RYR3: variants seen among roughly 807,000 people sequenced by gnomAD.
RYR3 encodes the protein ryanodine receptor 3.
A neutral mutation model predicts 584.3 loss-of-function variants in RYR3; 207 were observed. That is an observed-to-expected ratio of 0.35 (90% CI 0.32 to 0.40). The LOEUF is 0.40. Among genes scored for constraint, RYR3 ranks in the 10% least tolerant of loss-of-function variants. The pLI, the probability that RYR3 is intolerant of heterozygous loss-of-function variation, is 1.00. For synonymous variants in RYR3, 2,416 were observed against 2,248.5 expected (o/e 1.07, Z -2.11); for missense variants, 5,616 against 6,089.2 (o/e 0.92, Z 2.59).
chr15:33,798,957 C>G (rs1051517569), intron 67 of RYR3, among the ~76,000 whole-genome samples: 3 of 152,158 alleles, frequency 2.0e-5, no homozygotes, highest in African/African-American at 7.2e-5. Flanking sequence ...ACAATTCATT[C>G]TGATGTCCTA....
chr15:33,317,379 A>G (rs923124258), intron 1 of RYR3, among the ~76,000 whole-genome samples: 3 of 152,168 alleles, frequency 2.0e-5, no homozygotes, highest in African/African-American at 7.2e-5. Context: ...GAGCCCAGCC[A>G]GTGGTGAGGC....
intron 1 of RYR3, among the ~76,000 whole-genome samples, chr15:33,357,102 C>T (rs554100894): frequency 7.8e-4 from 118 of 152,212 alleles, no homozygotes; most frequent in African/African-American, 2.7e-3. Context: ...TTTCCTACCA[C>T]GTGGCCTGGT....
At chr15:33,345,433 G>T (rs1171933554) in intron 1 of RYR3, among the ~76,000 whole-genome samples, 1 of 152,120 alleles carries the variant, frequency 6.6e-6, no homozygotes, top group Non-Finnish European at 1.5e-5. Flanking sequence ...CTGCAGCCTT[G>T]ACCTCCCAGG....
intron 1 of RYR3, among the ~76,000 whole-genome samples, chr15:33,323,019 T>C (rs1969187406): frequency 6.6e-6 from 1 of 151,422 alleles, no homozygotes; most frequent in African/African-American, 2.4e-5. Context: ...AATTTGTCAT[T>C]TATGTTTGTA....
At chr15:33,665,937 C>T (rs1480873354) in intron 36 of RYR3, among the ~76,000 whole-genome samples, 1 of 152,104 alleles carries the variant, frequency 6.6e-6, no homozygotes, top group Non-Finnish European at 1.5e-5. Flanking sequence ...TGTATTAGAC[C>T]AGTGATTCTT....
chr15:33,603,103 T>C lies in RYR3; in HGVS notation c.1923-20T>C. Reference sequence around the variant, plus strand: ...GCTTTTAAGGGTGTGTAGATGCCACTTGCCCATGTTTACTTTCAGTATCCG... The same window carrying C: ...GCTTTTAAGGGTGTGTAGATGCCACCTGCCCATGTTTACTTTCAGTATCCG... On this transcript the variant is annotated intron_variant, in intron 17 of 103. Coordinates refer to ENST00000634891, the MANE Select transcript of RYR3 (RefSeq NM_001036.6). 6.2e-7 allele frequency: 1 copy of C among 1,613,054 alleles called. No individual in the cohort carries two copies. The highest frequency in any genetic ancestry group is 8.5e-7 in the Non-Finnish European group (1 of 1,179,354).
At chr15:33,574,974 T>C (rs604934) in intron 12 of RYR3, among the ~76,000 whole-genome samples, 124,153 of 152,150 alleles carry the variant, frequency 0.82, 51,082 homozygotes, top group Middle Eastern at 0.94. Context: ...GCAGGGGTTA[T>C]AATCTTAGTT....
In RYR3 at chr15:33,840,632, A is replaced by G; in HGVS notation, c.12979-193A>G. On this transcript the variant is annotated intron_variant, in intron 89 of 103. Transcript: ENST00000634891. ...GGGAGGTTGAGTTTTCAAGTTTCAA[A>G]TCTTTGTCTTGGCATCTCTTCAGAG... 5.0e-6 allele frequency: 3 copies of G among 603,522 alleles called. No individual in the cohort carries two copies. The South Asian group carries it at 6.3e-5, about 13-fold the overall frequency. 37.4% of individuals were successfully genotyped at this position (603,522 alleles called of 1,614,324 possible).
At chr15:33,800,976 G>A in intron 68 of RYR3, 119 bp downstream of exon 68, 1 of 750,498 alleles carries the variant, frequency 1.3e-6, no homozygotes, top group East Asian at 2.7e-5. Flanking sequence ...TGAGCCACAT[G>A]TGAGGACCAC....
intron 6 of RYR3, among the ~76,000 whole-genome samples, 197 bp downstream of exon 6, chr15:33,539,659 T>G (rs2055644979): frequency 6.6e-6 from 1 of 152,128 alleles, no homozygotes; most frequent in African/African-American, 2.4e-5. Flanking sequence ...AACTTTCGAC[T>G]CCTAAAAACT....
chr15:33,554,119 C>A (rs17236182), intron 10 of RYR3, among the ~76,000 whole-genome samples: 12,725 of 152,140 alleles, frequency 0.084, 646 homozygotes, highest in Non-Finnish European at 0.1. Flanking sequence ...AAGGCCATCA[C>A]TTCCTTGACT....
chr15:33,570,833 C>A (rs2057987211), intron 12 of RYR3, among the ~76,000 whole-genome samples: 3 of 82,438 alleles, frequency 3.6e-5, no homozygotes, highest in Admixed American at 1.5e-4. Flanking sequence ...GGTGCTACTA[C>A]AAATATAATT....
chr15:33,861,813 C>CT (rs948341108), intron 102 of RYR3, among the ~76,000 whole-genome samples: 1 of 151,902 alleles, frequency 6.6e-6, no homozygotes, highest in Admixed American at 6.6e-5. Context: ...TTCATACTGC[C>CT]TTTTTTTGTT....
chr15:33,692,831 G>C lies in RYR3; in HGVS notation c.5861-3387G>C, dbSNP rs113450547. ...CATGCTCTCTAGGCCATAAATATTT[G>C]TTTGGATTTTTGAGTCAGTGTGAGG... On this transcript the variant is annotated intron_variant, in intron 38 of 103. Transcript: ENST00000634891. 6.9e-3 allele frequency among the ~76,000 whole-genome samples: 1,049 copies of C among 152,168 alleles called. 11 individuals carry two copies. The highest frequency in any genetic ancestry group is 0.024 in the African/African-American group (986 of 41,492).
At position 33,399,458 on chromosome 15, in the gene RYR3, G is replaced by A. The variant is rs528455741; in HGVS notation, c.52-73961G>A. ...GTTCGAGACCAGCCTGGCCAATGTG[G>A]TGAAAACCTGTCTCTATTAAGATAC... On this transcript the variant is annotated intron_variant, in intron 1 of 103. Transcript: ENST00000634891. Among the ~76,000 whole-genome samples the A allele has an allele frequency of 2.6e-5, 4 of 152,200 alleles. No individual in the cohort carries two copies. The South Asian group carries it at 8.3e-4, about 32-fold the overall frequency.
rs1745641017 is a variant in RYR3, at chr15:33,838,711, A to C, written c.12731A>C (p.His4244Pro). ...CCTGACCCAACCCAATTTGGTATCC[A>C]TGATGACACTATGGAGGCTGAGAGG... ...DMPDPTQFGI[H>P]DDTMEAERAE... The change falls in exon 89 of 104, where the codon CAT becomes CCT. Residue 4244 changes from histidine to proline, a missense_variant. Physicochemically the swap from His to Pro is moderately conservative, Grantham distance 77. Around this residue, in one of 9 missense-constraint regions of RYR3, gnomAD observed 918 missense variants for 887.4 expected, o/e 1.03. Coordinates refer to ENST00000634891, the MANE Select transcript of RYR3 (RefSeq NM_001036.6). 6.2e-7 allele frequency: 1 copy of C among 1,613,862 alleles called. No individual in the cohort carries two copies. The highest frequency in any genetic ancestry group is 1.7e-5 in the Admixed American group (1 of 59,994).
At chr15:33,811,997 A>G (rs368730138) in intron 72 of RYR3, among the ~76,000 whole-genome samples, 87 of 151,978 alleles carry the variant, frequency 5.7e-4, no homozygotes, top group Non-Finnish European at 9.4e-4. Context: ...ATATACTAGG[A>G]AAAAAAAGGC....
intron 60 of RYR3, among the ~76,000 whole-genome samples, chr15:33,762,780 A>C (rs2072612266): frequency 1.3e-5 from 2 of 152,210 alleles, no homozygotes; most frequent in Non-Finnish European, 2.9e-5. Flanking sequence ...TAAATTTCAT[A>C]TGGAACCAAA....
intron 25 of RYR3, 45 bp from the exon 26 acceptor site, chr15:33,635,569 C>T (rs757847714): frequency 2.0e-6 from 3 of 1,482,462 alleles, no homozygotes; most frequent in East Asian, 2.3e-5. Context: ...TCTACGTTCT[C>T]TCTTTCCCTT....
Sources: gnomAD v4.1 joint callset for allele counts (sites outside exome capture counted in the v4.1 genomes callset) on GRCh38, gnomAD v4.1.1 for gene constraint, gnomAD v4.1.1 regional missense constraint, MANE v1.5 for transcripts, NCBI Gene and HGNC (gene_info 2026-07-23, HGNC 2026-07-21) for gene names.